The following UNC13D variants were observed in gnomAD, a reference collection of about 807,000 sequenced individuals.
UNC13D encodes unc-13 homolog D, also known as protein unc-13 homolog D.
Under a neutral mutation model 151.7 loss-of-function variants are expected in UNC13D, and 115 were observed. The ratio of observed to expected loss-of-function variants is 0.76; its 90% CI spans 0.65 to 0.88. UNC13D has a LOEUF of 0.88. Among genes scored for constraint, UNC13D ranks in the 40% least tolerant of loss-of-function variants. UNC13D has a pLI of 0.00. For synonymous variants in UNC13D, 588 were observed against 612.2 expected (o/e 0.96, Z 0.58); for missense variants, 1,369 against 1,438.7 (o/e 0.95, Z 0.78).
chr17:75,831,050 G>A, intron 27 of UNC13D, 48 bp downstream of exon 27: 1 of 1,609,988 alleles, frequency 6.2e-7, no homozygotes. Context: ...AGTGCCAAAA[G>A]GCAGGCTCCC....
chr17:75,841,032 C>T, intron 6 of UNC13D, 31 bp from the exon 7 acceptor site: 1 of 1,613,780 alleles, frequency 6.2e-7, no homozygotes, highest in African/African-American at 1.3e-5. Context: ...GGTTGAGGGC[C>T]CTGGAGGGTG....
Position 75,844,271 on chromosome 17 carries a change from G to T in UNC13D, c.67C>A (p.Arg23Ser). Residue 23 changes from arginine (R) to serine (S), a missense_variant, in exon 1 of 32, where the codon CGC becomes AGC. Arg to Ser is a moderately radical substitution (Grantham distance 110, BLOSUM62 -1). Around this residue, in one of 3 missense-constraint regions of UNC13D, gnomAD observed 550 missense variants for 609.0 expected, o/e 0.90. Transcript: ENST00000207549. ...TCCTGTAGATCTCTGACTCTGCGGC[G>T]CCTTATCTTGATGGCCTGGCGCAAG... ...PFLRQAIKIR[R>S]RRVRDLQDPP... 3.1e-6 allele frequency: 5 copies of T among 1,612,732 alleles called. No homozygotes were observed. The highest frequency in any genetic ancestry group is 4.2e-6 in the Non-Finnish European group (5 of 1,179,984).
rs1181554837 is a variant in UNC13D, at chr17:75,842,583, A to G, written c.419T>C (p.Ile140Thr). 7 of 1,611,590 alleles carry G rather than the reference A, an allele frequency of 4.3e-6. No individual in the cohort carries two copies. In the Admixed American group the frequency reaches 6.7e-5, roughly 15 times the overall value. ...CCCTGGCACACCTACCCCCTGCTCAATGCCCAGCAGGCAGTAGGGGTCGCT... is the reference window on the plus strand; with the variant it reads ...CCCTGGCACACCTACCCCCTGCTCAGTGCCCAGCAGGCAGTAGGGGTCGCT... ...GFSDPYCLLG[I>T]EQGVGVPGGS... Residue 140 changes from isoleucine (I) to threonine (T), a missense_variant, in exon 6 of 32, where the codon ATT becomes ACT. Around this residue, in one of 3 missense-constraint regions of UNC13D, gnomAD observed 550 missense variants for 609.0 expected, o/e 0.90. Coordinates refer to ENST00000207549, the MANE Select transcript of UNC13D (RefSeq NM_199242.3).
intron 1 of UNC13D, chr17:75,843,987 G>A: frequency 7.1e-7 from 1 of 1,415,888 alleles, no homozygotes; most frequent in Non-Finnish European, 9.2e-7. Context: ...AACCGGGAGG[G>A]AGGGGTTCTG....
intron 30 of UNC13D, chr17:75,829,801 C>A (rs1599402832): frequency 1.8e-6 from 1 of 553,518 alleles, no homozygotes; most frequent in Non-Finnish European, 3.1e-6. Context: ...TGGTCTTGAA[C>A]TCCTGACCTC....
rs2064883670 is a variant in UNC13D, at chr17:75,833,124, G to A, written c.2368-79C>T. 3 of 1,424,038 alleles carry A rather than the reference G, an allele frequency of 2.1e-6. No individual in the cohort carries two copies. The highest frequency in any genetic ancestry group is 2.9e-6 in the Non-Finnish European group (3 of 1,034,178). 88.2% of individuals were successfully genotyped at this position (1,424,038 alleles called of 1,614,324 possible). A position where few individuals can be genotyped will look rare whatever the true frequency, so the allele number is the denominator to read the frequency against. ...CCATCCCCTTCCCCTGACCTGGAGGGAGGAAACAGGGCTGGGAACCGTTCT... is the reference window on the plus strand; with the variant it reads ...CCATCCCCTTCCCCTGACCTGGAGGAAGGAAACAGGGCTGGGAACCGTTCT... On this transcript the variant is annotated intron_variant, in intron 24 of 31. Coordinates refer to ENST00000207549, the MANE Select transcript of UNC13D (RefSeq NM_199242.3). The surrounding 1 kb of genome is among the most constrained non-coding windows in gnomAD (Gnocchi z 4.0).
rs535810566 is a variant in UNC13D at position 75,841,851 on chromosome 17, C to T, written c.569+582G>A. Among the ~76,000 whole-genome samples, 280 of 150,096 alleles carry T rather than the reference C, an allele frequency of 1.9e-3. 1 individual carries two copies. Among genetic ancestry groups the T allele is most frequent in the African/African-American group, 6.4e-3 (262 of 40,822 alleles). On this transcript the variant is annotated intron_variant, in intron 6 of 31. Transcript: ENST00000207549. ...GCAACCTCCGCCTCCCAGGTTCAAG[C>T]GATTCCCCTGCCTCAGCCTTCCGAG...
At chr17:75,841,502 C>T (rs1321500376) in intron 6 of UNC13D, among the ~76,000 whole-genome samples, 8 of 126,946 alleles carry the variant, frequency 6.3e-5, no homozygotes, top group African/African-American at 6.4e-5. Flanking sequence ...AGTGCAGTGG[C>T]GTGATCTCGG....
chr17:75,831,535 A>C (rs1416913939), intron 25 of UNC13D, 187 bp from the exon 26 acceptor site: 2 of 614,826 alleles, frequency 3.3e-6, no homozygotes, highest in East Asian at 5.5e-5. Flanking sequence ...AGGACCAGCA[A>C]GGGGCAGGTG....
At chr17:75,842,809 A>G in intron 5 of UNC13D, 48 bp downstream of exon 5, 1 of 1,609,154 alleles carries the variant, frequency 6.2e-7, no homozygotes, top group Non-Finnish European at 8.5e-7. Flanking sequence ...GTGATGGGAG[A>G]GGAAGGAGCC....
In UNC13D at chr17:75,835,656, G is replaced by A; in HGVS notation, c.1718C>T (p.Ser573Phe). Reference sequence around the variant, plus strand: ...TTGGCCTGCTGCCCACCTCTCTGAGGAGCTCATGCGCAGCTGGCAGAGCTC... The same window carrying A: ...TTGGCCTGCTGCCCACCTCTCTGAGAAGCTCATGCGCAGCTGGCAGAGCTC... Reference protein sequence around the residue: ...LKELCQLRMSSSERDGVLALD... With the variant: ...LKELCQLRMSFSERDGVLALD... The change falls in exon 19 of 32, where the codon TCC (serine) becomes TTC (phenylalanine). Residue 573 changes from serine (S) to phenylalanine (F), a missense_variant. Ser to Phe is a radical substitution (Grantham distance 155, BLOSUM62 -2). Around this residue, in one of 3 missense-constraint regions of UNC13D, gnomAD observed 807 missense variants for 795.5 expected, o/e 1.01. Transcript: ENST00000207549. 6.2e-7 allele frequency: 1 copy of A among 1,613,316 alleles called. No individual in the cohort carries two copies.
In UNC13D at chr17:75,834,108, C is replaced by T. The variant is rs748828473; in HGVS notation, c.2334G>A (p.Leu778=). ...GCAGGACAGACTCCCTGACGCCCAC[C>T]AGTTTCTGGATGTGCTTGGCGATGC... is the stretch of plus-strand genomic sequence containing the variant. The part of the protein sequence containing the change: ...EVGIAKHIQK[L]VGVRESVLPE... The change falls in exon 24 of 32, where the codon CTG becomes CTA. Residue 778 remains leucine, a synonymous_variant. Coordinates refer to ENST00000207549, the MANE Select transcript of UNC13D (RefSeq NM_199242.3). 3.1e-6 allele frequency: 5 copies of T among 1,613,830 alleles called. No homozygotes were observed. The highest frequency in any genetic ancestry group is 3.3e-4 in the Middle Eastern group (2 of 6,062).
intron 12 of UNC13D, among the ~76,000 whole-genome samples, chr17:75,837,987 A>T (rs1260946393): frequency 6.6e-6 from 1 of 152,070 alleles, no homozygotes; most frequent in Non-Finnish European, 1.5e-5. Flanking sequence ...CAGGCAAACC[A>T]GGTCCCTCCC....
At position 75,835,922 on chromosome 17, in the gene UNC13D, C is replaced by T. The variant is rs748625749; in HGVS notation, c.1545-16G>A. On this transcript the variant is annotated splice_polypyrimidine_tract_variant and intron_variant, in intron 17 of 31. Transcript: ENST00000207549. Reference sequence around the variant, plus strand: ...CTTGAGGGTACTGGAGGAAAGGCAGCAGGTGTCACCCAGTGGCATACACCA... The same window carrying T: ...CTTGAGGGTACTGGAGGAAAGGCAGTAGGTGTCACCCAGTGGCATACACCA... 1.2e-6 allele frequency: 2 copies of T among 1,614,194 alleles called. No individual in the cohort carries two copies. Among genetic ancestry groups the T allele is most frequent in the East Asian group, 2.2e-5 (1 of 44,884 alleles).
rs954223287 is a variant in UNC13D at position 75,833,145 on chromosome 17, G to T, written c.2368-100C>A. 8.2e-7 allele frequency: 1 copy of T among 1,217,882 alleles called. No individual in the cohort carries two copies. The allele number at this position is 1,217,882 out of a possible 1,614,324, so 75.4% of individuals were successfully genotyped here. A position where few individuals can be genotyped will look rare whatever the true frequency, so the allele number is the denominator to read the frequency against. On this transcript the variant is annotated intron_variant, in intron 24 of 31. Transcript: ENST00000207549. This position sits in a 1 kb window ranked among gnomAD's most constrained non-coding sequence, Gnocchi z 4.0. ...GAGGGAGGAAACAGGGCTGGGAACC[G>T]TTCTGTGAGAGCAGTTTGTAGTGTC... is the stretch of plus-strand genomic sequence containing the variant.
chr17:75,836,822 C>T lies in UNC13D; in HGVS notation c.1152G>A (p.Gln384=). 4 of 1,614,016 alleles carry T rather than the reference C, an allele frequency of 2.5e-6. No homozygotes were observed. Among genetic ancestry groups the T allele is most frequent in the Non-Finnish European group, 2.5e-6 (3 of 1,180,046 alleles). Residue 384 remains glutamine (Q), a synonymous_variant, in exon 13 of 32, where the codon CAG becomes CAA. Coordinates refer to ENST00000207549, the MANE Select transcript of UNC13D (RefSeq NM_199242.3). ...PITSIEYQWI[Q]GRLKAEQQEE... ...CTACCTGTTCTGCCTTGAGCCGACC[C>T]TGGATCCACTGGTACTCGATGCTGG... is the stretch of plus-strand genomic sequence containing the variant.
At chr17:75,839,781 G>A (rs1243553470) in intron 12 of UNC13D, 58 bp downstream of exon 12, 8 of 1,563,384 alleles carry the variant, frequency 5.1e-6, no homozygotes, top group African/African-American at 1.4e-5. Flanking sequence ...GCTTGGAGGA[G>A]GGCAGGGGGC....
rs1047545524 is a variant in UNC13D at position 75,840,187 on chromosome 17, A to G, written c.858+38T>C. The G allele has an allele frequency of 2.5e-6, 4 of 1,612,914 alleles. No homozygotes were observed. The highest frequency in any genetic ancestry group is 3.4e-6 in the Non-Finnish European group (4 of 1,179,328). On this transcript the variant is annotated intron_variant, in intron 10 of 31. Coordinates refer to ENST00000207549, the MANE Select transcript of UNC13D (RefSeq NM_199242.3). This position sits in a 1 kb window ranked among gnomAD's most constrained non-coding sequence, Gnocchi z 4.6. ...CCCCGCAACCCAGCAGACCGCCGCA[A>G]GAGCTGGGCATGGCCACTGGCCCAG...
rs1160766826 is a variant in UNC13D at position 75,834,081 on chromosome 17, A to C, written c.2361T>G (p.Pro787=). 1.1e-5 allele frequency: 17 copies of C among 1,613,654 alleles called. No individual in the cohort carries two copies. Among genetic ancestry groups the C allele is most frequent in the Non-Finnish European group, 1.4e-5 (16 of 1,180,020 alleles). The stretch of plus-strand genomic sequence containing the variant: ...AGGCAGAAGGGCCACTTACATCCTC[A>C]GGCAGGACAGACTCCCTGACGCCCA... ...KLVGVRESVL[P]EDAILPLMKF... Residue 787 remains proline, a synonymous_variant, in exon 24 of 32, where the codon CCT becomes CCG. Coordinates refer to ENST00000207549, the MANE Select transcript of UNC13D (RefSeq NM_199242.3).
Sources: gnomAD v4.1 joint callset for allele counts (sites outside exome capture counted in the v4.1 genomes callset) on GRCh38, gnomAD v4.1.1 for gene constraint, gnomAD v4.1.1 regional missense constraint, Gnocchi (gnomAD v3.1) non-coding constraint, MANE v1.5 for transcripts, NCBI Gene and HGNC (gene_info 2026-07-23, HGNC 2026-07-21) for gene names.